Variants in ADGRE1 observed in about 807,000 individuals in gnomAD.
The protein encoded by ADGRE1 is EGF-like module receptor 1.
Under a neutral mutation model 102.7 loss-of-function variants are expected in ADGRE1, and 82 were observed. That is an observed-to-expected ratio of 0.80 (90% CI 0.67 to 0.96). The LOEUF (loss-of-function observed/expected upper bound fraction) is 0.96, where lower values mean the gene tolerates loss of function less well. Among genes scored for constraint, ADGRE1 ranks in the 40% least tolerant of loss-of-function variants. The pLI, the probability that ADGRE1 is intolerant of heterozygous loss-of-function variation, is 0.00. For missense variants in ADGRE1, 1,032 were observed against 1,085.3 expected, an observed-to-expected ratio of 0.95 and a Z score of 0.69; for synonymous variants, 398 against 399.6, an observed-to-expected ratio of 1.00 and a Z score of 0.05.
At chr19:6,901,567 G>A (rs116492769) in intron 5 of ADGRE1, among the ~76,000 whole-genome samples, 3,688 of 152,294 alleles carry the variant, frequency 0.024, 148 homozygotes, top group African/African-American at 0.083. Flanking sequence ...ATCTTGGGGT[G>A]TAAATACAGA....
chr19:6,924,928 C>G, intron 15 of ADGRE1, 56 bp downstream of exon 15: 1 of 1,573,274 alleles, frequency 6.4e-7, no homozygotes, highest in South Asian at 1.1e-5. Context: ...CCACCTGCCT[C>G]AGCTCATTCC....
Position 6,902,030 on chromosome 19 carries a change from G to A in ADGRE1, c.661+9G>A. ...CAAAGCATCGTGTGAAGGTAGGTGG[G>A]GGTGTCTTCTGAGAAGTCAGGTCCA... On this transcript the variant is annotated intron_variant, in intron 6 of 20. Coordinates refer to ENST00000312053, the MANE Select transcript of ADGRE1 (RefSeq NM_001974.5). The A allele has an allele frequency of 6.2e-7, 1 of 1,614,080 alleles. No homozygotes were observed. Among genetic ancestry groups the A allele is most frequent in the South Asian group, 1.1e-5 (1 of 91,080 alleles).
intron 17 of ADGRE1, among the ~76,000 whole-genome samples, chr19:6,929,683 C>T (rs934393471): frequency 6.6e-5 from 10 of 152,036 alleles, no homozygotes; most frequent in Non-Finnish European, 1.0e-4. Flanking sequence ...CCACCACACC[C>T]GGCAATTTTG....
At chr19:6,898,375 A>G in intron 5 of ADGRE1, 1 of 1,599,886 alleles carries the variant, frequency 6.3e-7, no homozygotes, top group Non-Finnish European at 8.6e-7. Flanking sequence ...CATGTCAGGG[A>G]GGTACAAGTG....
At chr19:6,920,227 G>T (rs975562565) in intron 13 of ADGRE1, among the ~76,000 whole-genome samples, 2 of 149,186 alleles carry the variant, frequency 1.3e-5, no homozygotes, top group African/African-American at 2.5e-5. Flanking sequence ...TGTGGTGGTT[G>T]CTTCTTTTTT....
At chr19:6,932,106 G>A (rs578170865) in intron 17 of ADGRE1, among the ~76,000 whole-genome samples, 20 of 152,256 alleles carry the variant, frequency 1.3e-4, no homozygotes, top group African/African-American at 4.6e-4. Flanking sequence ...AAGCCCTAGG[G>A]TCTGAAGAAG....
Position 6,908,739 on chromosome 19 carries a change from G to A in ADGRE1, c.1089G>A (p.Val363=), listed in dbSNP as rs773721643. The A allele has an allele frequency of 2.1e-5, 33 of 1,594,904 alleles. No individual in the cohort carries two copies. In the Admixed American group the frequency reaches 2.9e-4, roughly 14 times the overall value. The change falls in exon 10 of 21, where the codon GTG becomes GTA. Residue 363 remains valine (V), a synonymous_variant. Transcript: ENST00000312053. ...ACATCTTCAGCGTTCTGGACAAAGT[G>A]TGTGAAAATAAAACGACCGTAGTTT... ...INNIFSVLDK[V]CENKTTVVSL...
intron 5 of ADGRE1, among the ~76,000 whole-genome samples, chr19:6,899,802 T>C (rs1215776002): frequency 6.6e-6 from 1 of 151,486 alleles, no homozygotes; most frequent in Non-Finnish European, 1.5e-5. Flanking sequence ...TTGAAAGTTA[T>C]CTTTAATCAG....
At position 6,903,906 on chromosome 19, in the gene ADGRE1, G is replaced by A. The variant is rs1218954723; in HGVS notation, c.758G>A (p.Ser253Asn). ...FCTCHPGFAPSNGQLNFTDQG... is the reference protein window; with the variant it reads ...FCTCHPGFAPNNGQLNFTDQG... Reference sequence around the variant, plus strand: ...ACCTGCCACCCTGGCTTTGCACCAAGCAATGGACAGTTGAATTTCACAGAC... The same window carrying A: ...ACCTGCCACCCTGGCTTTGCACCAAACAATGGACAGTTGAATTTCACAGAC... Residue 253 changes from serine to asparagine, a missense_variant, in exon 7 of 21, where the codon AGC (serine) becomes AAC (asparagine). Coordinates refer to ENST00000312053, the MANE Select transcript of ADGRE1 (RefSeq NM_001974.5). 2 of 1,614,204 alleles carry A rather than the reference G, an allele frequency of 1.2e-6. No individual in the cohort carries two copies. The highest frequency in any genetic ancestry group is 1.7e-5 in the Admixed American group (1 of 60,026).
rs187563345 is a variant in ADGRE1, at chr19:6,907,491, C to T, written c.1038+970C>T. ...AATAGCTGGGACTACAGGCACCCAC[C>T]ACCATGCCTGGCTAATTTTTGTGTT... On this transcript the variant is annotated intron_variant, in intron 9 of 20. Transcript: ENST00000312053. Among the ~76,000 whole-genome samples, 259 of 152,124 alleles carry T rather than the reference C, an allele frequency of 1.7e-3. 1 individual carries two copies. Among genetic ancestry groups the T allele is most frequent in the African/African-American group, 5.7e-3 (238 of 41,514 alleles).
At chr19:6,922,653 CACACAA>C (rs1974721949) in intron 14 of ADGRE1, among the ~76,000 whole-genome samples, 1 of 146,306 alleles carries the variant, frequency 6.8e-6, no homozygotes, top group Non-Finnish European at 1.5e-5. Flanking sequence ...CACACACACA[CACACAA>C]ACAAAAAGAA....
intron 6 of ADGRE1, among the ~76,000 whole-genome samples, chr19:6,903,283 T>C (rs1973835300): frequency 6.6e-6 from 1 of 152,184 alleles, no homozygotes; most frequent in African/African-American, 2.4e-5. Flanking sequence ...GGTGGGCATG[T>C]CTTATGGAAA....
In ADGRE1 at chr19:6,898,333, C is replaced by A. The variant is rs1392856048; in HGVS notation, c.514+786C>A. 5 of 1,597,874 alleles carry A rather than the reference C, an allele frequency of 3.1e-6. No individual in the cohort carries two copies. In the African/African-American group the frequency reaches 4.0e-5, roughly 13 times the overall value. ...TATTGATGAATGTTCTCAAAGCCCC[C>A]AGCCCTGTGGTCCTAATTCATCCTG... On this transcript the variant is annotated intron_variant, in intron 5 of 20. Coordinates refer to ENST00000312053, the MANE Select transcript of ADGRE1 (RefSeq NM_001974.5).
chr19:6,922,357 T>C (rs1289834963), intron 14 of ADGRE1, among the ~76,000 whole-genome samples: 1 of 152,142 alleles, frequency 6.6e-6, no homozygotes, highest in African/African-American at 2.4e-5. Flanking sequence ...GGCTCATGCC[T>C]GTCATCCGAG....
At chr19:6,919,880 C>A (rs1974569711) in intron 13 of ADGRE1, 133 bp downstream of exon 13, 3 of 804,270 alleles carry the variant, frequency 3.7e-6, no homozygotes, top group African/African-American at 3.4e-5. Context: ...GCAATTCAAG[C>A]CAATTAACAG....
At chr19:6,917,559 T>C (rs1330768793) in intron 12 of ADGRE1, among the ~76,000 whole-genome samples, 2 of 151,880 alleles carry the variant, frequency 1.3e-5, no homozygotes, top group Non-Finnish European at 2.9e-5. Flanking sequence ...ACCAATATGG[T>C]GAAATCTCAT....
intron 12 of ADGRE1, among the ~76,000 whole-genome samples, chr19:6,918,227 G>A (rs965950281): frequency 2.6e-5 from 4 of 152,120 alleles, no homozygotes; most frequent in Non-Finnish European, 4.4e-5. Flanking sequence ...ATCACCTGAG[G>A]TCCAGAGTTC....
chr19:6,891,677 C>T (rs1973381199), intron 2 of ADGRE1, among the ~76,000 whole-genome samples: 1 of 152,026 alleles, frequency 6.6e-6, no homozygotes, highest in Non-Finnish European at 1.5e-5. Context: ...TGGTCTTGAA[C>T]TCCTTAGGTG....
chr19:6,911,013 T>TAAG (rs71177127), intron 10 of ADGRE1, among the ~76,000 whole-genome samples: 95,372 of 151,688 alleles, frequency 0.63, 31,787 homozygotes, highest in Non-Finnish European at 0.75. Context: ...CTTCCCTAGC[T>TAAG]AAGAATAAAT....
Sources: gnomAD v4.1 joint callset for allele counts (sites outside exome capture counted in the v4.1 genomes callset) on GRCh38, gnomAD v4.1.1 for gene constraint, MANE v1.5 for transcripts, NCBI Gene and HGNC (gene_info 2026-07-23, HGNC 2026-07-21) for gene names.